PATJ: variants seen among roughly 807,000 people sequenced by gnomAD.
PATJ encodes the protein inaD-like protein.
A neutral mutation model predicts 224.9 loss-of-function variants in PATJ; 190 were observed. The ratio of observed to expected loss-of-function variants is 0.84; its 90% CI spans 0.75 to 0.95. PATJ has a LOEUF of 0.95. Ranked by LOEUF, PATJ falls within the 40% of genes least tolerant of loss-of-function variation. The probability of loss-of-function intolerance (pLI) is 0.00; values close to 1 mark genes in which losing one functional copy is unlikely to be tolerated. For synonymous variants in PATJ, 769 were observed against 820.3 expected, an observed-to-expected ratio of 0.94 and a Z score of 1.07; for missense variants, 2,121 against 2,270.3, an observed-to-expected ratio of 0.93 and a Z score of 1.34.
intron 31 of PATJ, among the ~76,000 whole-genome samples, chr1:62,057,764 A>G (rs1018747198): frequency 6.6e-6 from 1 of 152,206 alleles, no homozygotes; most frequent in Non-Finnish European, 1.5e-5. Context: ...CTCTGAATGC[A>G]GGTTTAGAGC....
chr1:61,946,566 C>CAAT (rs1678746048), intron 27 of PATJ, among the ~76,000 whole-genome samples: 1 of 152,106 alleles, frequency 6.6e-6, no homozygotes, highest in African/African-American at 2.4e-5. Context: ...GAAATTGAGG[C>CAAT]AATAATTAAT....
chr1:61,871,170 GAA>G (rs570476621), intron 20 of PATJ, among the ~76,000 whole-genome samples: 1 of 117,936 alleles, frequency 8.5e-6, no homozygotes, highest in African/African-American at 3.1e-5. Flanking sequence ...TTCTCTATTT[GAA>G]AAAAAAAACC....
intron 27 of PATJ, among the ~76,000 whole-genome samples, chr1:61,987,922 G>C (rs1276487931): frequency 2.0e-5 from 3 of 152,190 alleles, no homozygotes; most frequent in African/African-American, 7.2e-5. Flanking sequence ...ACTGGGGCCA[G>C]ACATGGTGGC....
At position 61,771,477 on chromosome 1, in the gene PATJ, A is replaced by G; in HGVS notation, c.571A>G (p.Thr191Ala). ...TGATCAAATATTGGCCATTAATCAC[A>G]CGCCATTGGATCAGAACATTTCCCA... ...ENDQILAINH[T>A]PLDQNISHQQ... is the part of the protein sequence containing the mutation. The change falls in exon 6 of 44, where the codon ACG (threonine) becomes GCG (alanine). Residue 191 changes from threonine (T) to alanine (A), a missense_variant. Physicochemically the swap from Thr to Ala is moderately conservative, Grantham distance 58 (BLOSUM62 0). Transcript: ENST00000642238. The G allele has an allele frequency of 2.5e-6, 4 of 1,609,312 alleles. No individual in the cohort carries two copies. The highest frequency in any genetic ancestry group is 8.5e-7 in the Non-Finnish European group (1 of 1,178,454).
intron 14 of PATJ, among the ~76,000 whole-genome samples, chr1:61,812,677 C>T (rs1035195586): frequency 1.4e-4 from 22 of 151,768 alleles, no homozygotes; most frequent in Admixed American, 3.9e-4. Context: ...GATAAAACCT[C>T]GTCTCTCCTA....
chr1:61,825,325 C>G (rs926076007), intron 15 of PATJ, among the ~76,000 whole-genome samples: 2 of 151,944 alleles, frequency 1.3e-5, no homozygotes, highest in African/African-American at 4.8e-5. Flanking sequence ...TGTGCATTTT[C>G]CAGTCAAAAA....
intron 18 of PATJ, among the ~76,000 whole-genome samples, chr1:61,858,891 A>G (rs1448263835): frequency 3.3e-5 from 5 of 152,218 alleles, no homozygotes; most frequent in Non-Finnish European, 7.3e-5. Flanking sequence ...AATATAGCAC[A>G]TAGCTAAGTA....
intron 7 of PATJ, 133 bp from the exon 8 acceptor site, chr1:61,787,621 A>G (rs978468111): frequency 4.7e-6 from 3 of 642,994 alleles, no homozygotes; most frequent in Admixed American, 5.3e-5. Flanking sequence ...TATTAACAGT[A>G]TTCCATTTTA....
At chr1:62,027,091 A>G (rs1648104590) in intron 29 of PATJ, among the ~76,000 whole-genome samples, 1 of 152,082 alleles carries the variant, frequency 6.6e-6, no homozygotes, top group Non-Finnish European at 1.5e-5. Context: ...ATCTTCCCAA[A>G]CTGAATCTCT....
intron 17 of PATJ, among the ~76,000 whole-genome samples, chr1:61,842,143 C>G (rs1402585403): frequency 6.6e-6 from 1 of 152,070 alleles, no homozygotes; most frequent in Non-Finnish European, 1.5e-5. Context: ...CCAAAAACCT[C>G]AGTGCAGCAA....
At chr1:62,029,557 G>A (rs777050735) in intron 29 of PATJ, among the ~76,000 whole-genome samples, 1 of 152,112 alleles carries the variant, frequency 6.6e-6, no homozygotes, top group African/African-American at 2.4e-5. Context: ...GAGGGATAAA[G>A]AATAAATATA....
chr1:61,932,457 G>T (rs111595895), intron 27 of PATJ, among the ~76,000 whole-genome samples: 63 of 152,342 alleles, frequency 4.1e-4, no homozygotes, highest in African/African-American at 1.5e-3. Context: ...TTGTTTATGA[G>T]AGAAAGGTGT....
At chr1:61,820,768 G>A (rs894288278) in intron 14 of PATJ, among the ~76,000 whole-genome samples, 3 of 152,230 alleles carry the variant, frequency 2.0e-5, no homozygotes, top group African/African-American at 7.2e-5. Flanking sequence ...CACCGCACTG[G>A]GGATGAGCTA....
intron 41 of PATJ, among the ~76,000 whole-genome samples, chr1:62,145,988 G>T (rs1230239087): frequency 1.3e-5 from 2 of 151,938 alleles, no homozygotes; most frequent in Admixed American, 6.6e-5. Context: ...ATAAATGAAA[G>T]AAATAAATAT....
At chr1:61,756,371 C>A (rs77470803) in intron 1 of PATJ, among the ~76,000 whole-genome samples, 2,164 of 152,152 alleles carry the variant, frequency 0.014, 55 homozygotes, top group African/African-American at 0.049. Context: ...CTAGGAGCAT[C>A]ACAGGGTCAC....
At position 61,927,722 on chromosome 1, in the gene PATJ, A is replaced by G. The variant is rs2251182; in HGVS notation, c.3571-8A>G. On this transcript the variant is annotated splice_region_variant and splice_polypyrimidine_tract_variant and intron_variant, in intron 26 of 43. Coordinates refer to ENST00000642238, the MANE Select transcript of PATJ (RefSeq NM_001350145.3). ...ATTTAACCCTTCTCTCAAATTTTGC[A>G]TCTTCAGAGGCAAGGAACTGCTCCA... 1,376,072 of 1,597,048 alleles carry G rather than the reference A, an allele frequency of 0.86. 593,214 individuals carry two copies. Among genetic ancestry groups the G allele is most frequent in the Admixed American group, 0.9 (52,139 of 58,082 alleles).
intron 18 of PATJ, among the ~76,000 whole-genome samples, chr1:61,857,725 G>A (rs925503469): frequency 2.0e-5 from 3 of 152,168 alleles, no homozygotes; most frequent in African/African-American, 4.8e-5. Context: ...TTCTCATTTA[G>A]TAATTCTGAT....
chr1:62,044,480 C>T (rs1392884749), intron 30 of PATJ, among the ~76,000 whole-genome samples: 1 of 152,174 alleles, frequency 6.6e-6, no homozygotes, highest in Non-Finnish European at 1.5e-5. Flanking sequence ...GAGGGAAACC[C>T]AATTAAGAAG....
intron 30 of PATJ, among the ~76,000 whole-genome samples, chr1:62,041,632 A>G (rs1333132448): frequency 2.0e-5 from 3 of 152,232 alleles, no homozygotes; most frequent in Non-Finnish European, 2.9e-5. Flanking sequence ...ACTATTTACT[A>G]GAGTCTTTCA....
Sources: allele counts gnomAD v4.1 joint callset (sites outside exome capture counted in the v4.1 genomes callset), GRCh38; gene constraint gnomAD v4.1.1; transcripts MANE v1.5; gene names NCBI Gene and HGNC (gene_info 2026-07-23, HGNC 2026-07-21).